Variants in OPRK1 observed in about 807,000 individuals in gnomAD.
OPRK1 encodes the protein opioid receptor kappa 1.
Under a neutral mutation model 24.5 loss-of-function variants are expected in OPRK1, and 15 were observed. The ratio of observed to expected loss-of-function variants is 0.61; its 90% CI spans 0.41 to 0.94. The LOEUF is 0.94. Among genes scored for constraint, OPRK1 ranks in the 40% least tolerant of loss-of-function variants. The pLI is 0.00. For synonymous variants in OPRK1, 205 were observed against 198.0 expected, an observed-to-expected ratio of 1.04 and a Z score of -0.30; for missense variants, 479 against 507.3, an observed-to-expected ratio of 0.94 and a Z score of 0.54.
At chr8:53,241,749 G>A (rs1345535842) in intron 2 of OPRK1, among the ~76,000 whole-genome samples, 10 of 152,206 alleles carry the variant, frequency 6.6e-5, no homozygotes, top group East Asian at 1.9e-4. Flanking sequence ...AAGCGCAAAG[G>A]CGTCAAGAGA....
rs200154534 is a variant in OPRK1, at chr8:53,229,569, G to T, written c.871C>A (p.His291Asn). 1.7e-5 allele frequency: 28 copies of T among 1,614,216 alleles called. 1 individual carries two copies. In the South Asian group the frequency reaches 3.1e-4, roughly 18 times the overall value. ...AGAGCCTCCACCAGGATGAATATGT[G>T]AATGGGAGTCCAGCAGACGACGAAG... ...AVFVVCWTPIHIFILVEALGS... is the reference protein window; with the variant it reads ...AVFVVCWTPINIFILVEALGS... The change falls in exon 4 of 4, where the codon CAC becomes AAC. Residue 291 changes from histidine to asparagine, a missense_variant. His to Asn is a moderately conservative substitution (Grantham distance 68). Coordinates refer to ENST00000265572, the MANE Select transcript of OPRK1 (RefSeq NM_000912.5).
At chr8:53,233,718 T>G (rs1263620202) in intron 3 of OPRK1, among the ~76,000 whole-genome samples, 1 of 152,146 alleles carries the variant, frequency 6.6e-6, no homozygotes, top group Non-Finnish European at 1.5e-5. Context: ...ACAGTACCTC[T>G]CACCTTGGCT....
chr8:53,247,373 G>T (rs745553025), intron 2 of OPRK1, among the ~76,000 whole-genome samples: 1 of 152,150 alleles, frequency 6.6e-6, no homozygotes, highest in Non-Finnish European at 1.5e-5. Context: ...ATCTTTCTGC[G>T]CTTTAGTTTC....
At chr8:53,245,371 C>T (rs540927140) in intron 2 of OPRK1, among the ~76,000 whole-genome samples, 66 of 152,192 alleles carry the variant, frequency 4.3e-4, no homozygotes, top group African/African-American at 1.4e-3. Context: ...ATCTACAGGC[C>T]GAGGAGAGAG....
At chr8:53,240,683 G>A (rs1807092506) in intron 2 of OPRK1, among the ~76,000 whole-genome samples, 1 of 151,760 alleles carries the variant, frequency 6.6e-6, no homozygotes, top group South Asian at 2.1e-4. Context: ...GATCAGAAAT[G>A]GTGGGGGAAA....
rs1437594583 is a variant in OPRK1 at position 53,251,010 on chromosome 8, C to A, written c.28G>T (p.Gly10Trp). 3 of 1,570,228 alleles carry A rather than the reference C, an allele frequency of 1.9e-6. No homozygotes were observed. Among genetic ancestry groups the A allele is most frequent in the African/African-American group, 2.7e-5 (2 of 73,876 alleles). The change falls in exon 2 of 4, where the codon GGG becomes TGG. Residue 10 changes from glycine to tryptophan, a missense_variant. Gly to Trp is a radical substitution (Grantham distance 184). Coordinates refer to ENST00000265572, the MANE Select transcript of OPRK1 (RefSeq NM_000912.5). ...GGGGCGCAGGTAGGGCCCGGCTCCC[C>A]GCGGAAGATCTGGATCGGGGAGTCC... MDSPIQIFR[G>W]EPGPTCAPSA...
intron 2 of OPRK1, among the ~76,000 whole-genome samples, chr8:53,241,491 C>T (rs1268261135): frequency 6.6e-6 from 1 of 150,754 alleles, no homozygotes; most frequent in African/African-American, 2.4e-5. Context: ...AGAGAGACTC[C>T]ATGTTTGTTT....
rs567717506 is a variant in OPRK1 at position 53,248,452 on chromosome 8, G to A, written c.257+2329C>T. Among the ~76,000 whole-genome samples the A allele has an allele frequency of 1.3e-3, 199 of 152,244 alleles. 1 individual carries two copies. The highest frequency in any genetic ancestry group is 4.7e-3 in the African/African-American group (195 of 41,528). On this transcript the variant is annotated intron_variant, in intron 2 of 3. Transcript: ENST00000265572. ...TAGTATCCTTCATCTTTCAAGCACA[G>A]CTACTCAGTCTCTTCAGTAACAAGG...
Position 53,250,967 on chromosome 8 carries a change from G to A in OPRK1, c.71C>T (p.Pro24Leu). Residue 24 changes from proline (P) to leucine (L), a missense_variant, in exon 2 of 4, where the codon CCC becomes CTC. Pro to Leu is a moderately conservative substitution (Grantham distance 98). Transcript: ENST00000265572. ...GCCGGGAAACCAGGCGCTGCTGTTG[G>A]GGGGCAGGCAGGCGCTCGGGGCGCA... ...PTCAPSACLPPNSSAWFPGWA... is the reference protein window; with the variant it reads ...PTCAPSACLPLNSSAWFPGWA... 1.2e-6 allele frequency: 2 copies of A among 1,606,982 alleles called. No individual in the cohort carries two copies. The highest frequency in any genetic ancestry group is 8.5e-7 in the Non-Finnish European group (1 of 1,176,774).
At chr8:53,248,780 T>C (rs1222264309) in intron 2 of OPRK1, among the ~76,000 whole-genome samples, 4 of 152,208 alleles carry the variant, frequency 2.6e-5, no homozygotes, top group African/African-American at 9.6e-5. Context: ...GTGAACTAGA[T>C]AGATTTCAGT....
At chr8:53,243,171 G>C (rs753796137) in intron 2 of OPRK1, among the ~76,000 whole-genome samples, 1 of 152,156 alleles carries the variant, frequency 6.6e-6, no homozygotes, top group African/African-American at 2.4e-5. Context: ...ACCTTCAAAA[G>C]GCAACTGTCC....
chr8:53,232,034 A>G (rs1806866287), intron 3 of OPRK1, among the ~76,000 whole-genome samples: 1 of 152,226 alleles, frequency 6.6e-6, no homozygotes, highest in Non-Finnish European at 1.5e-5. Context: ...TCCTCCAGAA[A>G]TGTCAATGAA....
chr8:53,250,072 C>A (rs906836719), intron 2 of OPRK1, among the ~76,000 whole-genome samples: 1 of 98,628 alleles, frequency 1.0e-5, no homozygotes, highest in Admixed American at 1.2e-4. Context: ...GAAATTTCCA[C>A]ACACACACAC....
intron 3 of OPRK1, among the ~76,000 whole-genome samples, chr8:53,233,754 C>G (rs796864796): frequency 2.0e-5 from 3 of 152,244 alleles, no homozygotes; most frequent in African/African-American, 7.2e-5. Flanking sequence ...CTGGAGAGAG[C>G]TCAAAAATCT....
intron 3 of OPRK1, among the ~76,000 whole-genome samples, chr8:53,233,154 C>G (rs1215425984): frequency 1.3e-5 from 2 of 152,150 alleles, no homozygotes; most frequent in African/African-American, 2.4e-5. Flanking sequence ...AAAAGATCAG[C>G]TTCATTAAAA....
At chr8:53,242,491 C>T (rs1183714700) in intron 2 of OPRK1, 1 of 161,790 alleles carries the variant, frequency 6.2e-6, no homozygotes, top group African/African-American at 2.4e-5. Context: ...CTGCATGTAA[C>T]TAACTCCAGC....
intron 2 of OPRK1, among the ~76,000 whole-genome samples, chr8:53,247,752 T>C (rs1807267482): frequency 6.6e-6 from 1 of 151,786 alleles, no homozygotes; most frequent in Admixed American, 6.6e-5. Flanking sequence ...TCCGAGCACT[T>C]TGGGAGGCCA....
chr8:53,234,418 T>C (rs1417661056), intron 3 of OPRK1, among the ~76,000 whole-genome samples: 4 of 151,654 alleles, frequency 2.6e-5, no homozygotes, highest in African/African-American at 9.7e-5. Context: ...AAAAAAGGAG[T>C]GAGAAGGTGT....
chr8:53,244,886 G>A (rs926742283), intron 2 of OPRK1, among the ~76,000 whole-genome samples: 1 of 152,070 alleles, frequency 6.6e-6, no homozygotes, highest in Non-Finnish European at 1.5e-5. Flanking sequence ...TGGTATCCCT[G>A]GGGGAGTGGT....
Sources: gnomAD v4.1 joint callset for allele counts (sites outside exome capture counted in the v4.1 genomes callset) on GRCh38, gnomAD v4.1.1 for gene constraint, MANE v1.5 for transcripts, NCBI Gene and HGNC (gene_info 2026-07-23, HGNC 2026-07-21) for gene names.